The following CACNA2D3 variants were observed in gnomAD, a reference collection of about 807,000 sequenced individuals.
CACNA2D3 encodes calcium voltage-gated channel auxiliary subunit alpha2delta 3.
CACNA2D3 carries 60 observed loss-of-function variants against 160.6 expected under a neutral mutation model. That is an observed-to-expected ratio of 0.37 (90% CI 0.30 to 0.46). The LOEUF is 0.46. CACNA2D3 is among the 20% of genes least tolerant of loss of function. The pLI is 1.00. For synonymous variants in CACNA2D3, 558 were observed against 492.9 expected (o/e 1.13, Z -1.75); for missense variants, 1,205 against 1,365.0 (o/e 0.88, Z 1.85).
intron 2 of CACNA2D3, among the ~76,000 whole-genome samples, chr3:54,253,317 A>T (rs1483648088): frequency 6.6e-6 from 1 of 152,016 alleles, no homozygotes; most frequent in East Asian, 1.9e-4. Context: ...GTGCTTCTGT[A>T]GGTTTTACAG....
chr3:54,345,833 C>CTTT (rs58643454), intron 3 of CACNA2D3, among the ~76,000 whole-genome samples: 13 of 141,462 alleles, frequency 9.2e-5, no homozygotes, highest in African/African-American at 3.6e-4. Context: ...TCTTGATGCT[C>CTTT]TTTTTTTTTT....
intron 13 of CACNA2D3, among the ~76,000 whole-genome samples, chr3:54,782,402 C>T (rs147202788): frequency 1.3e-5 from 2 of 152,184 alleles, no homozygotes; most frequent in African/African-American, 2.4e-5. Context: ...CACTATGCCA[C>T]GCCTATATCA....
chr3:54,227,418 GA>G (rs957369889), intron 2 of CACNA2D3, among the ~76,000 whole-genome samples: 72 of 150,876 alleles, frequency 4.8e-4, no homozygotes, highest in African/African-American at 9.0e-4. Flanking sequence ...CTTAGGGACA[GA>G]AAAAAAAATA....
At chr3:54,851,641 T>G (rs1699060492) in intron 17 of CACNA2D3, among the ~76,000 whole-genome samples, 3 of 152,178 alleles carry the variant, frequency 2.0e-5, no homozygotes, top group Non-Finnish European at 2.9e-5. Flanking sequence ...GACTTAACAC[T>G]GTCCAGTAGG....
At chr3:54,209,408 G>T (rs1577000248) in intron 2 of CACNA2D3, among the ~76,000 whole-genome samples, 1 of 152,268 alleles carries the variant, frequency 6.6e-6, no homozygotes, top group Middle Eastern at 3.4e-3. Context: ...GGGTCTCATA[G>T]ATGTGAGAGA....
At chr3:54,686,031 T>C (rs1700443179) in intron 11 of CACNA2D3, among the ~76,000 whole-genome samples, 1 of 152,336 alleles carries the variant, frequency 6.6e-6, no homozygotes, top group South Asian at 2.1e-4. Flanking sequence ...ACTTTTACCA[T>C]TGCAGTTTGA....
chr3:54,492,159 C>T (rs1701120923), intron 4 of CACNA2D3, among the ~76,000 whole-genome samples: 1 of 152,150 alleles, frequency 6.6e-6, no homozygotes, highest in African/African-American at 2.4e-5. Flanking sequence ...CTGGTGGCAC[C>T]TCTATCAGAA....
chr3:54,688,834 C>T (rs1700515179), intron 11 of CACNA2D3, among the ~76,000 whole-genome samples: 1 of 151,420 alleles, frequency 6.6e-6, no homozygotes, highest in Non-Finnish European at 1.5e-5. Context: ...AACCGCGTCT[C>T]TACTAAAAAT....
intron 13 of CACNA2D3, among the ~76,000 whole-genome samples, chr3:54,774,629 ATTTTTTTTTT>A (rs111655457): frequency 2.1e-4 from 23 of 107,896 alleles, no homozygotes; most frequent in South Asian, 6.1e-4. Context: ...CTCTTTGACT[ATTTTTTTTTT>A]TTTTTTTTTT....
At chr3:55,004,253 C>A (rs1207493227) in intron 31 of CACNA2D3, among the ~76,000 whole-genome samples, 1 of 152,126 alleles carries the variant, frequency 6.6e-6, no homozygotes, top group East Asian at 1.9e-4. Flanking sequence ...AATTAGTAAG[C>A]CAGCTGGTTT....
intron 2 of CACNA2D3, among the ~76,000 whole-genome samples, chr3:54,318,228 C>T (rs56208940): frequency 0.33 from 49,665 of 151,872 alleles, 8,521 homozygotes; most frequent in South Asian, 0.43. Context: ...AGAGCACAGA[C>T]GGTTTTGGGG....
chr3:54,707,468 G>C (rs1457583458), intron 11 of CACNA2D3, among the ~76,000 whole-genome samples: 1 of 152,198 alleles, frequency 6.6e-6, no homozygotes, highest in Admixed American at 6.5e-5. Flanking sequence ...CCATGTCCCA[G>C]TACACGAAAG....
At chr3:54,888,202 A>G (rs1255443281) in intron 24 of CACNA2D3, 150 bp downstream of exon 24, 5 of 615,390 alleles carry the variant, frequency 8.1e-6, no homozygotes, top group Non-Finnish European at 1.2e-5. Context: ...GAGCTAGAGC[A>G]GATTAGCGGC....
chr3:54,553,066 ATCC>A (rs1268104439), intron 5 of CACNA2D3, among the ~76,000 whole-genome samples: 1 of 152,104 alleles, frequency 6.6e-6, no homozygotes, highest in Non-Finnish European at 1.5e-5. Flanking sequence ...TGGGCCATGA[ATCC>A]TCCTTGTCCC....
rs377009249 is a variant in CACNA2D3 at position 55,059,074 on chromosome 3, A to T, written c.2988-14371A>T. 7.9e-5 allele frequency among the ~76,000 whole-genome samples: 12 copies of T among 152,356 alleles called. No individual in the cohort carries two copies. The East Asian group carries it at 2.1e-3, about 27-fold the overall frequency. On this transcript the variant is annotated intron_variant, in intron 35 of 37. Transcript: ENST00000474759. ...TTATAAAGTACTTCTCAATGATCAC[A>T]CTTTGACTTTGCCAGATCACATAAA...
At chr3:54,227,954 G>A (rs952167671) in intron 2 of CACNA2D3, among the ~76,000 whole-genome samples, 11 of 152,050 alleles carry the variant, frequency 7.2e-5, no homozygotes, top group African/African-American at 2.7e-4. Flanking sequence ...GACTTGCATT[G>A]GAAAGCAAAT....
chr3:54,847,928 C>T (rs1325711884), intron 17 of CACNA2D3, among the ~76,000 whole-genome samples: 2 of 152,144 alleles, frequency 1.3e-5, no homozygotes, highest in Admixed American at 1.3e-4. Flanking sequence ...GAACAGAGTC[C>T]ATGAAACAAT....
At position 54,332,406 on chromosome 3, in the gene CACNA2D3, CAT is replaced by C. The variant is rs145322591; in HGVS notation, c.321+11850_321+11851del. 4.6e-3 allele frequency among the ~76,000 whole-genome samples: 695 copies of C among 152,314 alleles called. 18 individuals are homozygous for C. The East Asian group carries it at 0.083, about 18-fold the overall frequency. On this transcript the variant is annotated intron_variant, in intron 3 of 37. Coordinates refer to ENST00000474759, the MANE Select transcript of CACNA2D3 (RefSeq NM_018398.3). ...TCTAATTATTGGCACAACCTTGAAA[CAT>C]AGCACCCAGCCACCCTTGCAATTTT...
At chr3:54,533,332 CTTTTTTTTTT>C (rs60076440) in intron 5 of CACNA2D3, among the ~76,000 whole-genome samples, 11 of 97,306 alleles carry the variant, frequency 1.1e-4, no homozygotes, top group Admixed American at 2.4e-4. Flanking sequence ...CTTTTCTTTC[CTTTTTTTTTT>C]TTTTTTTTTT....
Sources: allele counts gnomAD v4.1 joint callset (sites outside exome capture counted in the v4.1 genomes callset), GRCh38; gene constraint gnomAD v4.1.1; transcripts MANE v1.5; gene names NCBI Gene and HGNC (gene_info 2026-07-23, HGNC 2026-07-21).